SOD2: variants seen among roughly 807,000 people sequenced by gnomAD.
The protein encoded by SOD2 is superoxide dismutase 2, also known as superoxide dismutase [Mn], mitochondrial.
SOD2 carries 11 observed loss-of-function variants against 27.0 expected under a neutral mutation model. The observed-to-expected ratio is 0.41, with a 90% CI of 0.26 to 0.67. SOD2 has a LOEUF of 0.67. Ranked by LOEUF, SOD2 falls within the 30% of genes least tolerant of loss-of-function variation. The pLI, the probability that SOD2 is intolerant of heterozygous loss-of-function variation, is 0.34. For synonymous variants in SOD2, 105 were observed against 103.0 expected, an observed-to-expected ratio of 1.02 and a Z score of -0.12; for missense variants, 250 against 274.5, an observed-to-expected ratio of 0.91 and a Z score of 0.63.
At chr6:159,751,031 T>G (rs1562466440) in intron 1 of SOD2, among the ~76,000 whole-genome samples, 1 of 152,268 alleles carries the variant, frequency 6.6e-6, no homozygotes, top group Non-Finnish European at 1.5e-5. Flanking sequence ...TTAGAGTGTT[T>G]AGAGGTATAT....
rs538719863 is a variant in SOD2 at position 159,686,906 on chromosome 6, C to G, written c.343+1220G>C. ...GGGTGAAGAAGATAATTAAAGTCAT[C>G]TGGGCCTCCACAAGCTACACAGGAA... On this transcript the variant is annotated intron_variant, in intron 3 of 4. Coordinates refer to ENST00000538183, the MANE Select transcript of SOD2 (RefSeq NM_000636.4). 2.0e-5 allele frequency among the ~76,000 whole-genome samples: 3 copies of G among 152,284 alleles called. No homozygotes were observed. In the East Asian group the frequency reaches 5.8e-4, roughly 29 times the overall value.
At chr6:159,694,111 T>C (rs547772381), upstream of SOD2, among the ~76,000 whole-genome samples, 3 of 152,356 alleles carry the variant, frequency 2.0e-5, no homozygotes, top group African/African-American at 7.2e-5. Context: ...GCCCTGGCAG[T>C]CATGTTTTGT....
Position 159,710,666 on chromosome 6 carries a change from C to T in SOD2, c.-116+16463G>A, listed in dbSNP as rs182827710. 2.9e-3 allele frequency among the ~76,000 whole-genome samples: 434 copies of T among 152,174 alleles called. 2 individuals are homozygous for T. The highest frequency in any genetic ancestry group is 9.9e-3 in the African/African-American group (410 of 41,496). On this transcript the variant is annotated intron_variant, in intron 1 of 2. Transcript: ENST00000401980. The stretch of plus-strand genomic sequence containing the variant: ...CAGTCACTGGAGTTTTCCTCCAGAA[C>T]GTGGTCATATCCCCTCATACTGCTC...
At chr6:159,727,544 T>C (rs1043258697), upstream of SOD2, 2 of 989,612 alleles carry the variant, frequency 2.0e-6, no homozygotes, top group African/African-American at 1.8e-5. Context: ...GACCCACAAA[T>C]AAAGGGGAGC....
At chr6:159,694,747 C>G (rs1443302659), upstream of SOD2, among the ~76,000 whole-genome samples, 1 of 144,156 alleles carries the variant, frequency 6.9e-6, no homozygotes, top group East Asian at 2.0e-4. Context: ...AGGCGTGCAC[C>G]TCCACGCCCC....
chr6:159,696,970 T>A (rs1777431395), upstream of SOD2, among the ~76,000 whole-genome samples: 1 of 150,442 alleles, frequency 6.6e-6, no homozygotes, highest in Admixed American at 6.7e-5. Flanking sequence ...GCCCAAGAGT[T>A]CATGGCTGCA....
At position 159,711,620 on chromosome 6, in the gene SOD2, A is replaced by AC. The variant is rs1562437375; in HGVS notation, c.-116+15508_-116+15509insG. Among the ~76,000 whole-genome samples, 10 of 92,584 alleles carry AC rather than the reference A, an allele frequency of 1.1e-4. 1 individual carries two copies. The highest frequency in any genetic ancestry group is 1.6e-4 in the African/African-American group (4 of 25,296). The allele number at this position is 92,584 out of a possible 152,430, so 60.7% of individuals were successfully genotyped here. On this transcript the variant is annotated intron_variant, in intron 1 of 2. Transcript: ENST00000401980. ...ATAACCACCTCCATAACCACCACTC[A>AC]GCTGCTCTGACCACCATAACCACCT...
At chr6:159,704,821 C>T (rs1015004112) in intron 1 of SOD2, among the ~76,000 whole-genome samples, 7 of 152,256 alleles carry the variant, frequency 4.6e-5, no homozygotes, top group Non-Finnish European at 8.8e-5. Context: ...ACAGACAGAC[C>T]ACGTCCTCGA....
chr6:159,755,717 GTTTTGGTTTT>G (rs1779977422), intron 1 of SOD2: 5 of 980,926 alleles, frequency 5.1e-6, no homozygotes, highest in Non-Finnish European at 4.8e-6. Context: ...GTGGGTGTAC[GTTTTGGTTTT>G]TTTTTGTTGT....
chr6:159,688,042 C>A, intron 3 of SOD2, 84 bp downstream of exon 3: 1 of 815,642 alleles, frequency 1.2e-6, no homozygotes. Flanking sequence ...AAACAAAAAA[C>A]AAGTATAAGG....
At chr6:159,748,640 T>G, upstream of SOD2, 2 of 1,287,238 alleles carry the variant, frequency 1.6e-6, no homozygotes, top group Non-Finnish European at 2.0e-6. This position sits in a 1 kb window ranked among gnomAD's most constrained non-coding sequence, Gnocchi z 5.6. Flanking sequence ...TCCGAAAAAT[T>G]CCCCTTCTAG....
At chr6:159,721,339 T>C (rs1778036730) in intron 1 of SOD2, among the ~76,000 whole-genome samples, 1 of 151,836 alleles carries the variant, frequency 6.6e-6, no homozygotes, top group Non-Finnish European at 1.5e-5. Context: ...AGTGCTGGGA[T>C]TACAGGCATG....
intron 1 of SOD2, among the ~76,000 whole-genome samples, chr6:159,706,077 T>C (rs1777620994): frequency 6.6e-6 from 1 of 152,196 alleles, no homozygotes; most frequent in Non-Finnish European, 1.5e-5. Flanking sequence ...TGAGAGATTT[T>C]GTCACCACCA....
exon 1 of SOD2, chr6:159,762,017 C>G: frequency 6.3e-7 from 1 of 1,576,876 alleles, no homozygotes; most frequent in Non-Finnish European, 8.6e-7. Context: ...CGCGGCAGGC[C>G]TGTGGGCTGC....
intron 1 of SOD2, among the ~76,000 whole-genome samples, chr6:159,738,274 A>G (rs561702569): frequency 6.6e-6 from 1 of 152,272 alleles, no homozygotes; most frequent in Admixed American, 6.5e-5. Flanking sequence ...GGCAACCACT[A>G]ATTTATCTCC....
upstream of SOD2, chr6:159,748,370 G>A: frequency 6.2e-7 from 1 of 1,613,362 alleles, no homozygotes; most frequent in Non-Finnish European, 8.5e-7. This position sits in a 1 kb window ranked among gnomAD's most constrained non-coding sequence, Gnocchi z 5.6. Context: ...CGCCTGATAG[G>A]TAAACAAATC....
chr6:159,688,668 T>C (rs1025270741), intron 2 of SOD2, among the ~76,000 whole-genome samples: 9 of 152,112 alleles, frequency 5.9e-5, no homozygotes, highest in African/African-American at 2.4e-5. Context: ...AAACTCAACA[T>C]ACTCAAAATT....
intron 1 of SOD2, among the ~76,000 whole-genome samples, chr6:159,698,581 A>G (rs1252830424): frequency 8.7e-5 from 4 of 45,842 alleles, no homozygotes; most frequent in African/African-American, 2.0e-4. Context: ...CAAAAAAAAA[A>G]AAAAAAAAAA....
intron 1 of SOD2, chr6:159,736,439 T>G: frequency 1.5e-6 from 1 of 684,592 alleles, no homozygotes; most frequent in Non-Finnish European, 2.6e-6. Context: ...ATAATAGCAT[T>G]GGAGTTGTAC....
Sources: allele counts gnomAD v4.1 joint callset (sites outside exome capture counted in the v4.1 genomes callset), GRCh38; gene constraint gnomAD v4.1.1; non-coding constraint Gnocchi (gnomAD v3.1); transcripts MANE v1.5; gene names NCBI Gene and HGNC (gene_info 2026-07-23, HGNC 2026-07-21).